Variants in LRRC4C observed in about 807,000 individuals in gnomAD.
LRRC4C encodes leucine-rich repeat-containing protein 4C.
Under a neutral mutation model 33.6 loss-of-function variants are expected in LRRC4C, and 5 were observed. That is an observed-to-expected ratio of 0.15 (90% confidence interval 0.08 to 0.31). The LOEUF is 0.31. Ranked by LOEUF, LRRC4C falls within the 10% of genes least tolerant of loss-of-function variation. The pLI is 1.00. For missense variants in LRRC4C, 560 were observed against 796.7 expected (o/e 0.70, Z 3.58); for synonymous variants, 329 against 302.0 (o/e 1.09, Z -0.93).
At chr11:40,615,327 T>G (rs1263160379) in intron 3 of LRRC4C, among the ~76,000 whole-genome samples, 1 of 149,564 alleles carries the variant, frequency 6.7e-6, no homozygotes, top group Non-Finnish European at 1.5e-5. Context: ...TTTTTCTTAT[T>G]AAGAAGTCAG....
intron 3 of LRRC4C, among the ~76,000 whole-genome samples, chr11:40,562,062 T>C (rs1957571204): frequency 6.6e-6 from 1 of 152,234 alleles, no homozygotes; most frequent in Non-Finnish European, 1.5e-5. Context: ...CACTTATGGC[T>C]GATTTACATG....
At chr11:41,019,676 G>A (rs929061969) in intron 1 of LRRC4C, among the ~76,000 whole-genome samples, 1 of 152,122 alleles carries the variant, frequency 6.6e-6, no homozygotes, top group Non-Finnish European at 1.5e-5. Context: ...AGCCTCACCA[G>A]CATCTACTGT....
chr11:40,424,800 C>T (rs1950652809), intron 3 of LRRC4C, among the ~76,000 whole-genome samples: 1 of 152,160 alleles, frequency 6.6e-6, no homozygotes, highest in African/African-American at 2.4e-5. Context: ...TAATTCACTC[C>T]AAACTTTTAA....
chr11:40,213,459 G>A (rs1165279802), intron 5 of LRRC4C, among the ~76,000 whole-genome samples: 1 of 152,100 alleles, frequency 6.6e-6, no homozygotes, highest in Non-Finnish European at 1.5e-5. Context: ...GGAGTCAAGA[G>A]GCCAAGAATC....
chr11:41,284,573 GA>G (rs1329101353), intron 1 of LRRC4C, among the ~76,000 whole-genome samples: 1 of 152,102 alleles, frequency 6.6e-6, no homozygotes, highest in Non-Finnish European at 1.5e-5. Flanking sequence ...TAACCACATT[GA>G]AAAATTCATT....
intron 2 of LRRC4C, among the ~76,000 whole-genome samples, chr11:40,679,313 C>T (rs1296537694): frequency 6.6e-6 from 1 of 152,064 alleles, no homozygotes; most frequent in Non-Finnish European, 1.5e-5. Context: ...AAATTTGCAG[C>T]CTGACAATGC....
chr11:41,095,509 T>C (rs982389498), intron 1 of LRRC4C, among the ~76,000 whole-genome samples: 5 of 152,150 alleles, frequency 3.3e-5, no homozygotes, highest in Non-Finnish European at 7.4e-5. Context: ...GAAAGGTAAC[T>C]TATGATTGGA....
At chr11:40,343,979 A>G (rs997989223) in intron 3 of LRRC4C, among the ~76,000 whole-genome samples, 7 of 152,122 alleles carry the variant, frequency 4.6e-5, no homozygotes, top group Admixed American at 1.3e-4. Context: ...GAAGACCAAT[A>G]ATAAGTTTCA....
intron 3 of LRRC4C, among the ~76,000 whole-genome samples, chr11:40,624,496 T>C (rs1485769882): frequency 6.6e-6 from 1 of 152,126 alleles, no homozygotes; most frequent in Non-Finnish European, 1.5e-5. Context: ...CATTGATAGA[T>C]ACCAAGTCAG....
At chr11:40,650,101 T>C (rs1942700655) in intron 2 of LRRC4C, among the ~76,000 whole-genome samples, 1 of 152,092 alleles carries the variant, frequency 6.6e-6, no homozygotes, top group African/African-American at 2.4e-5. Context: ...TAATGAAGAA[T>C]TCCAAAAAAA....
chr11:40,501,870 T>C (rs537864687), intron 3 of LRRC4C, among the ~76,000 whole-genome samples: 1 of 152,362 alleles, frequency 6.6e-6, no homozygotes, highest in Admixed American at 6.5e-5. Flanking sequence ...TAGGATTTTC[T>C]CTTCTATCCT....
chr11:40,391,320 T>C (rs1230396074), intron 3 of LRRC4C, among the ~76,000 whole-genome samples: 1 of 152,156 alleles, frequency 6.6e-6, no homozygotes, highest in Non-Finnish European at 1.5e-5. Flanking sequence ...CTCACCAGAT[T>C]GATAATTTTC....
intron 3 of LRRC4C, among the ~76,000 whole-genome samples, chr11:40,457,768 C>T (rs1952205349): frequency 6.6e-6 from 1 of 152,150 alleles, no homozygotes; most frequent in African/African-American, 2.4e-5. Flanking sequence ...CTTAACTAGT[C>T]TCCCTTCCTG....
intron 1 of LRRC4C, among the ~76,000 whole-genome samples, chr11:41,373,239 A>G (rs1006709575): frequency 6.6e-6 from 1 of 152,106 alleles, no homozygotes; most frequent in African/African-American, 2.4e-5. Context: ...TAGCATATAT[A>G]TACTGTATTT....
At chr11:41,340,883 G>A (rs1406075632) in intron 1 of LRRC4C, among the ~76,000 whole-genome samples, 2 of 152,118 alleles carry the variant, frequency 1.3e-5, no homozygotes, top group African/African-American at 4.8e-5. Context: ...TGGGATTTTT[G>A]CAAGTCGAAA....
chr11:41,031,360 T>C (rs976827522), intron 1 of LRRC4C, among the ~76,000 whole-genome samples: 3 of 151,982 alleles, frequency 2.0e-5, no homozygotes, highest in African/African-American at 7.2e-5. Flanking sequence ...TAATCTCTTA[T>C]GGGCACCCGG....
At chr11:41,004,625 C>A (rs926614963) in intron 1 of LRRC4C, among the ~76,000 whole-genome samples, 3 of 152,262 alleles carry the variant, frequency 2.0e-5, no homozygotes, top group South Asian at 4.1e-4. Context: ...TTTCACATCA[C>A]CATGACCTAC....
intron 1 of LRRC4C, among the ~76,000 whole-genome samples, chr11:41,307,192 C>T (rs1950529231): frequency 6.6e-6 from 1 of 151,962 alleles, no homozygotes; most frequent in Admixed American, 6.6e-5. Flanking sequence ...AATAACAACT[C>T]AATTTTTTTT....
chr11:40,430,016 C>G (rs1950859365), intron 3 of LRRC4C, among the ~76,000 whole-genome samples: 1 of 152,258 alleles, frequency 6.6e-6, no homozygotes, highest in Non-Finnish European at 1.5e-5. Flanking sequence ...TTCATCTTGG[C>G]TTTGCCTTCA....
Sources: allele counts gnomAD v4.1 joint callset (sites outside exome capture counted in the v4.1 genomes callset), GRCh38; gene constraint gnomAD v4.1.1; transcripts MANE v1.5; gene names NCBI Gene and HGNC (gene_info 2026-07-23, HGNC 2026-07-21).